The following ADAM19 variants were observed in gnomAD, a reference collection of about 807,000 sequenced individuals.
ADAM19 encodes the protein disintegrin and metalloproteinase domain-containing protein 19.
ADAM19 carries 65 observed loss-of-function variants against 114.7 expected under a neutral mutation model. The observed-to-expected ratio is 0.57, with a 90% CI of 0.46 to 0.70. The LOEUF (loss-of-function observed/expected upper bound fraction) is 0.70, where lower values mean the gene tolerates loss of function less well. Among genes scored for constraint, ADAM19 ranks in the 30% least tolerant of loss-of-function variants. The pLI is 0.00. For synonymous variants in ADAM19, 466 were observed against 460.5 expected (o/e 1.01, Z -0.15); for missense variants, 1,063 against 1,204.7 (o/e 0.88, Z 1.74).
intron 12 of ADAM19, 76 bp downstream of exon 12, chr5:157,502,727 T>C (rs1295240691): frequency 2.6e-5 from 39 of 1,518,878 alleles, no homozygotes; most frequent in Non-Finnish European, 3.0e-5. Flanking sequence ...AATTTTCAAT[T>C]GTGTTCTCTT....
At position 157,519,893 on chromosome 5, in the gene ADAM19, G is replaced by A. The variant is rs752459411; in HGVS notation, c.546C>T (p.Thr182=). Residue 182 remains threonine (T), a synonymous_variant, in exon 6 of 23, where the codon ACC becomes ACT. Transcript: ENST00000257527. ...GNCGFEHSKP[T]TRDWALQFTQ... is the part of the protein sequence containing the mutation. ...TAAACTGAAGAGCCCAGTCCCTGGT[G>A]GTGGGCTTGGAGTGCTCGAACCCAC... 2 of 1,614,116 alleles carry A rather than the reference G, an allele frequency of 1.2e-6. No homozygotes were observed. Among genetic ancestry groups the A allele is most frequent in the Non-Finnish European group, 1.7e-6 (2 of 1,180,016 alleles).
chr5:157,514,420 G>A (rs917206098), intron 7 of ADAM19, among the ~76,000 whole-genome samples: 2 of 150,324 alleles, frequency 1.3e-5, no homozygotes, highest in Non-Finnish European at 2.9e-5. Context: ...TCCGCCTCCC[G>A]GGTTCAAGCG....
intron 5 of ADAM19, 41 bp from the exon 6 acceptor site, chr5:157,520,072 G>A (rs1435667336): frequency 6.4e-7 from 1 of 1,570,312 alleles, no homozygotes; most frequent in Non-Finnish European, 8.7e-7. Flanking sequence ...AAAGATTATG[G>A]TTCTGAAAAA....
intron 1 of ADAM19, among the ~76,000 whole-genome samples, chr5:157,574,265 T>C (rs1160654233): frequency 6.6e-6 from 1 of 152,214 alleles, no homozygotes; most frequent in Non-Finnish European, 1.5e-5. Context: ...ACAGCAAGTG[T>C]TCTCCAAGGA....
At chr5:157,568,301 G>A (rs1326113017) in intron 2 of ADAM19, 1 of 152,142 alleles carries the variant, frequency 6.6e-6, no homozygotes, top group Non-Finnish European at 1.5e-5. Context: ...TTTTTATGTG[G>A]GTGATCCAAA....
intron 4 of ADAM19, among the ~76,000 whole-genome samples, chr5:157,536,331 T>C (rs1756764082): frequency 6.6e-6 from 1 of 152,062 alleles, no homozygotes; most frequent in Non-Finnish European, 1.5e-5. Flanking sequence ...CCATCTCTAC[T>C]AAAAATACAA....
chr5:157,569,124 T>G (rs1757750383), intron 2 of ADAM19: 1 of 152,224 alleles, frequency 6.6e-6, no homozygotes, highest in Non-Finnish European at 1.5e-5. Context: ...TCCATTAATT[T>G]GTCGAGACTT....
intron 11 of ADAM19, 33 bp from the exon 12 acceptor site, chr5:157,503,013 G>A (rs1755617753): frequency 1.9e-6 from 3 of 1,597,700 alleles, no homozygotes; most frequent in South Asian, 2.2e-5. Flanking sequence ...TTAGTGGGGA[G>A]TTTGAGCATC....
intron 9 of ADAM19, among the ~76,000 whole-genome samples, chr5:157,509,078 C>T (rs114154458): frequency 1.1e-4 from 16 of 152,376 alleles, no homozygotes; most frequent in Admixed American, 6.5e-4. Context: ...TCCCATTAGA[C>T]TGTAAACATT....
At chr5:157,561,232 C>T (rs1454478336) in intron 3 of ADAM19, among the ~76,000 whole-genome samples, 2 of 152,254 alleles carry the variant, frequency 1.3e-5, no homozygotes, top group Non-Finnish European at 2.9e-5. Context: ...TAGGACACCT[C>T]AGTGTGTCTG....
chr5:157,564,133 G>A (rs1014017243), intron 3 of ADAM19, among the ~76,000 whole-genome samples: 6 of 152,180 alleles, frequency 3.9e-5, no homozygotes, highest in Non-Finnish European at 8.8e-5. Context: ...TGAACTCCAG[G>A]GGCCCCTGAA....
chr5:157,539,880 C>T (rs1174906952), intron 3 of ADAM19, among the ~76,000 whole-genome samples: 4 of 152,220 alleles, frequency 2.6e-5, no homozygotes, highest in Non-Finnish European at 5.9e-5. Flanking sequence ...GAGAAAACCA[C>T]TTAACTAGTT....
Position 157,502,975 on chromosome 5 carries a change from G to C in ADAM19, c.1136C>G (p.Pro379Arg). 1 of 1,613,674 alleles carries C rather than the reference G, an allele frequency of 6.2e-7. No individual in the cohort carries two copies. Among genetic ancestry groups the C allele is most frequent in the Non-Finnish European group, 8.5e-7 (1 of 1,179,610 alleles). ...GCATCCATTGAACACTTTGGGAAAGGGGTGCCTGGCAGAGGACAAGGCTGG... is the reference window on the plus strand; with the variant it reads ...GCATCCATTGAACACTTTGGGAAAGCGGTGCCTGGCAGAGGACAAGGCTGG... ...GCIMAAATGHPFPKVFNGCNR... is the reference protein window; with the variant it reads ...GCIMAAATGHRFPKVFNGCNR... The change falls in exon 12 of 23, where the codon CCC becomes CGC. Residue 379 changes from proline to arginine, a missense_variant. Pro to Arg is a moderately radical substitution (Grantham distance 103). This residue lies in a region of ADAM19 where 615 missense variants were observed against 706.3 expected (regional missense o/e 0.87). Transcript: ENST00000257527.
At chr5:157,534,213 AC>A (rs1462379518) in intron 4 of ADAM19, among the ~76,000 whole-genome samples, 2 of 152,016 alleles carry the variant, frequency 1.3e-5, no homozygotes, top group Admixed American at 6.6e-5. Context: ...CACACCTGTA[AC>A]CCCAGCACTT....
In ADAM19 at chr5:157,477,908, A is replaced by C. The variant is rs563406317; in HGVS notation, c.*3041T>G. On this transcript the variant is annotated 3_prime_UTR_variant, in exon 23 of 23. Coordinates refer to ENST00000257527, the MANE Select transcript of ADAM19 (RefSeq NM_033274.5). Reference sequence around the variant, plus strand: ...CAAGTCTCAGACCTTAAGATCTGCAAGTGTCTCAGAGCTGGGGCAGAAAAA... The same window carrying C: ...CAAGTCTCAGACCTTAAGATCTGCACGTGTCTCAGAGCTGGGGCAGAAAAA... 1 of 350,038 alleles carries C rather than the reference A, an allele frequency of 2.9e-6. No homozygotes were observed. The highest frequency in any genetic ancestry group is 7.6e-5 in the East Asian group (1 of 13,214). 21.7% of individuals were successfully genotyped at this position (350,038 alleles called of 1,614,324 possible).
chr5:157,530,881 A>T lies in ADAM19; in HGVS notation c.333T>A (p.Asp111Glu), dbSNP rs1186047457. The change falls in exon 5 of 23, where the codon GAT (aspartate) becomes GAA (glutamate). Residue 111 changes from aspartate (D) to glutamate (E), a missense_variant and splice_region_variant. Around this residue, in one of 3 missense-constraint regions of ADAM19, gnomAD observed 615 missense variants for 706.3 expected, o/e 0.87. Coordinates refer to ENST00000257527, the MANE Select transcript of ADAM19 (RefSeq NM_033274.5). ...NPQTTTRKLE[D>E]HCFYHGTVRE... Reference sequence around the variant, plus strand: ...TCACCGTGCCGTGGTAAAAGCAGTGATCCTAGCAAGGAGAAAGGAGGTGGT... The same window carrying T: ...TCACCGTGCCGTGGTAAAAGCAGTGTTCCTAGCAAGGAGAAAGGAGGTGGT... The T allele has an allele frequency of 1.2e-6, 2 of 1,613,900 alleles. No individual in the cohort carries two copies. Among genetic ancestry groups the T allele is most frequent in the East Asian group, 4.5e-5 (2 of 44,898 alleles).
chr5:157,504,499 C>T (rs34880583), intron 11 of ADAM19, among the ~76,000 whole-genome samples: 13,529 of 152,162 alleles, frequency 0.089, 802 homozygotes, highest in Middle Eastern at 0.17. Context: ...GAACTGCCCA[C>T]CTCAGCCTCA....
At chr5:157,542,913 T>A (rs2113769391) in intron 3 of ADAM19, among the ~76,000 whole-genome samples, 1 of 152,228 alleles carries the variant, frequency 6.6e-6, no homozygotes, top group East Asian at 1.9e-4. Context: ...TTGAAAGATG[T>A]ACTATTTACA....
At chr5:157,561,294 T>C (rs78988924) in intron 3 of ADAM19, among the ~76,000 whole-genome samples, 2,114 of 152,304 alleles carry the variant, frequency 0.014, 44 homozygotes, top group African/African-American at 0.048. Flanking sequence ...TCCTGGCCCA[T>C]GCCCCATGCC....
Sources: gnomAD v4.1 joint callset for allele counts (sites outside exome capture counted in the v4.1 genomes callset) on GRCh38, gnomAD v4.1.1 for gene constraint, gnomAD v4.1.1 regional missense constraint, MANE v1.5 for transcripts, NCBI Gene and HGNC (gene_info 2026-07-23, HGNC 2026-07-21) for gene names.